The following RPS6KA6 variants were observed in gnomAD, a reference collection of about 807,000 sequenced individuals.
The protein encoded by RPS6KA6 is ribosomal protein S6 kinase A6.
A neutral mutation model predicts 65.4 loss-of-function variants in RPS6KA6; 27 were observed. The observed-to-expected ratio is 0.41, with a 90% CI of 0.30 to 0.57. The LOEUF (loss-of-function observed/expected upper bound fraction) is 0.57. RPS6KA6 is among the 20% of genes least tolerant of loss of function. The pLI is 0.24. For missense variants in RPS6KA6, 486 were observed against 555.6 expected (o/e 0.87, Z 1.26); for synonymous variants, 190 against 184.2 (o/e 1.03, Z -0.26).
chrX:84,163,666 A>AT (rs1360607907), intron 2 of RPS6KA6, among the ~76,000 whole-genome samples: 2 of 109,055 alleles, frequency 1.8e-5, no homozygotes, highest in Non-Finnish European at 3.8e-5. Context: ...AAAAAAAAAA[A>AT]ATCTATAACT....
Position 84,060,222 on chromosome X carries a change from G to C in RPS6KA6, c.*4055C>G, listed in dbSNP as rs1473570383. 9.0e-6 allele frequency: 1 copy of C among 110,693 alleles called. No homozygotes were observed. The highest frequency in any genetic ancestry group is 1.9e-5 in the Non-Finnish European group (1 of 52,912). 9.1% of individuals were successfully genotyped at this position (110,693 alleles called of 1,213,427 possible). ...TAATTTCAACAATCATTGATCTTGAGGTACATGCCAAAAATGCCTGAATAA... is the reference window on the plus strand; with the variant it reads ...TAATTTCAACAATCATTGATCTTGACGTACATGCCAAAAATGCCTGAATAA... On this transcript the variant is annotated 3_prime_UTR_variant, in exon 22 of 22. Coordinates refer to ENST00000262752, the MANE Select transcript of RPS6KA6 (RefSeq NM_014496.5).
At chrX:84,142,059 T>C (rs1030523247) in intron 6 of RPS6KA6, among the ~76,000 whole-genome samples, 1 of 111,176 alleles carries the variant, frequency 9.0e-6, no homozygotes, top group South Asian at 3.8e-4. Context: ...CACCCAAAAA[T>C]AGCAGAATAC....
intron 1 of RPS6KA6, among the ~76,000 whole-genome samples, chrX:84,182,059 TCTCTCACA>T (rs1313052047): frequency 1.9e-4 from 14 of 75,553 alleles, no homozygotes; most frequent in East Asian, 6.5e-4. Flanking sequence ...TCTCTCTCTC[TCTCTCACA>T]CACACACACA....
chrX:84,110,882 A>G (rs958475370), intron 12 of RPS6KA6, among the ~76,000 whole-genome samples: 1 of 110,547 alleles, frequency 9.0e-6, no homozygotes, highest in African/African-American at 3.3e-5. Flanking sequence ...CAGATAAAAC[A>G]TTCAGAATAT....
intron 8 of RPS6KA6, among the ~76,000 whole-genome samples, chrX:84,124,136 G>A (rs1042049305): frequency 9.0e-6 from 1 of 111,391 alleles, no homozygotes; most frequent in African/African-American, 3.3e-5. Context: ...ATTGGGCTTG[G>A]GGTTCAACTC....
intron 8 of RPS6KA6, among the ~76,000 whole-genome samples, chrX:84,127,024 A>G (rs956265380): frequency 8.9e-6 from 1 of 111,830 alleles, no homozygotes; most frequent in Non-Finnish European, 1.9e-5. Context: ...AAAATAATAT[A>G]AAAGACCAAT....
chrX:84,079,873 G>C (rs1438056354), intron 20 of RPS6KA6, among the ~76,000 whole-genome samples: 1 of 112,276 alleles, frequency 8.9e-6, no homozygotes, highest in Non-Finnish European at 1.9e-5. Context: ...AGAGCACCTG[G>C]AGGAAGGGGC....
chrX:84,075,105 C>T (rs1290169215), intron 20 of RPS6KA6, among the ~76,000 whole-genome samples: 1 of 110,444 alleles, frequency 9.1e-6, no homozygotes, highest in Non-Finnish European at 1.9e-5. Context: ...TGGTGGTGCA[C>T]CCCTGAATCC....
At chrX:84,082,292 T>C in intron 20 of RPS6KA6, among the ~76,000 whole-genome samples, 1 of 111,636 alleles carries the variant, frequency 9.0e-6, no homozygotes, top group Middle Eastern at 4.6e-3. Context: ...AGCATTCCTA[T>C]ACACCAATAA....
In RPS6KA6 at chrX:84,058,949, C is replaced by T. The variant is rs1304359231; in HGVS notation, c.*5328G>A. 1.9e-5 allele frequency: 2 copies of T among 104,610 alleles called. No individual in the cohort carries two copies. Among genetic ancestry groups the T allele is most frequent in the African/African-American group, 7.1e-5 (2 of 28,248 alleles). 8.6% of individuals were successfully genotyped at this position (104,610 alleles called of 1,213,427 possible). A position where few individuals can be genotyped will look rare whatever the true frequency, so the allele number is the denominator to read the frequency against. On this transcript the variant is annotated 3_prime_UTR_variant, in exon 22 of 22. Transcript: ENST00000262752. Reference sequence around the variant, plus strand: ...TAAAGCCTATGTAACTCCCAACTACCAACAGTACTTCCTGTTTTTTTTTTT... The same window carrying T: ...TAAAGCCTATGTAACTCCCAACTACTAACAGTACTTCCTGTTTTTTTTTTT...
intron 20 of RPS6KA6, among the ~76,000 whole-genome samples, chrX:84,068,038 G>A (rs1350715111): frequency 9.0e-6 from 1 of 111,623 alleles, no homozygotes; most frequent in Non-Finnish European, 1.9e-5. Context: ...AAGCAAAGGA[G>A]AAATAAAATC....
At chrX:84,145,043 G>A (rs1373000630) in intron 6 of RPS6KA6, among the ~76,000 whole-genome samples, 1 of 110,935 alleles carries the variant, frequency 9.0e-6, no homozygotes, top group Non-Finnish European at 1.9e-5. Context: ...GAAAACTTTC[G>A]GGAATGACAG....
At chrX:84,180,085 C>A (rs1360266632) in intron 1 of RPS6KA6, among the ~76,000 whole-genome samples, 1 of 111,313 alleles carries the variant, frequency 9.0e-6, no homozygotes, top group Admixed American at 9.6e-5. Context: ...TCCACATTTC[C>A]CCTCATATGA....
intron 1 of RPS6KA6, among the ~76,000 whole-genome samples, chrX:84,167,661 G>A (rs2147616260): frequency 9.0e-6 from 1 of 111,629 alleles, no homozygotes; most frequent in African/African-American, 3.3e-5. Context: ...CATTCTGTAG[G>A]ATTCCATTTA....
intron 1 of RPS6KA6, among the ~76,000 whole-genome samples, chrX:84,178,721 A>G (rs766508468): frequency 1.8e-5 from 2 of 111,598 alleles, no homozygotes; most frequent in African/African-American, 6.5e-5. Context: ...GCAACTGGAC[A>G]TACCTGTGTA....
intron 1 of RPS6KA6, among the ~76,000 whole-genome samples, chrX:84,182,624 G>A (rs930696086): frequency 7.2e-5 from 8 of 111,724 alleles, no homozygotes; most frequent in African/African-American, 2.3e-4. Flanking sequence ...TAGCTCTCTT[G>A]ATGAACTAAT....
In RPS6KA6 at chrX:84,063,014, T is replaced by G. The variant is rs1049073510; in HGVS notation, c.*1263A>C. ...ATTTTCTTCAACAACGTGAAATGATTCTTTAGCATTTCATCATTTAGAGAA... is the reference window on the plus strand; with the variant it reads ...ATTTTCTTCAACAACGTGAAATGATGCTTTAGCATTTCATCATTTAGAGAA... On this transcript the variant is annotated 3_prime_UTR_variant, in exon 22 of 22. Transcript: ENST00000262752. 3 of 110,747 alleles carry G rather than the reference T, an allele frequency of 2.7e-5. No homozygotes were observed. Among genetic ancestry groups the G allele is most frequent in the Non-Finnish European group, 5.7e-5 (3 of 52,841 alleles). 9.1% of individuals were successfully genotyped at this position (110,747 alleles called of 1,213,427 possible). A position where few individuals can be genotyped will look rare whatever the true frequency, so the allele number is the denominator to read the frequency against.
At chrX:84,117,216 A>G in intron 10 of RPS6KA6, 68 bp from the exon 11 acceptor site, 3 of 903,549 alleles carry the variant, frequency 3.3e-6, no homozygotes, top group Non-Finnish European at 4.7e-6. Context: ...AAATCTCAAA[A>G]AGAACTTTTA....
intron 20 of RPS6KA6, among the ~76,000 whole-genome samples, chrX:84,085,635 T>C (rs1030505725): frequency 9.0e-6 from 1 of 111,355 alleles, no homozygotes; most frequent in African/African-American, 3.3e-5. Context: ...TGAACTGGAG[T>C]TATTTGTTGT....
Sources: allele counts gnomAD v4.1 joint callset (sites outside exome capture counted in the v4.1 genomes callset), GRCh38; gene constraint gnomAD v4.1.1; transcripts MANE v1.5; gene names NCBI Gene and HGNC (gene_info 2026-07-23, HGNC 2026-07-21).